Variants in CRAMP1 observed in about 807,000 individuals in gnomAD.
CRAMP1 encodes the protein cramped chromatin regulator 1, also known as protein cramped-like.
Under a neutral mutation model 115.4 loss-of-function variants are expected in CRAMP1, and 50 were observed. That is an observed-to-expected ratio of 0.43 (90% CI 0.35 to 0.55). CRAMP1 has a LOEUF of 0.55. CRAMP1 is among the 20% of genes least tolerant of loss of function. The pLI is 0.01. For synonymous variants in CRAMP1, 866 were observed against 745.4 expected (o/e 1.16, Z -2.64); for missense variants, 1,679 against 1,721.7 (o/e 0.98, Z 0.44).
At chr16:1,652,274 C>G (rs1195484720) in intron 6 of CRAMP1, among the ~76,000 whole-genome samples, 6 of 152,218 alleles carry the variant, frequency 3.9e-5, no homozygotes, top group South Asian at 2.1e-4. Flanking sequence ...CAGCAGGTGT[C>G]CCTTGGAGTG....
In CRAMP1 at chr16:1,668,865, C is replaced by T. The variant is rs928232098; in HGVS notation, c.3335-136C>T. ...CTGCGGTGCTGCGCTCCTTACCTGC[C>T]GAGCCATGCCATCCATCTGGTTCAG... On this transcript the variant is annotated intron_variant, in intron 18 of 20. Coordinates refer to ENST00000397412, the MANE Select transcript of CRAMP1 (RefSeq NM_020825.4). The T allele has an allele frequency of 6.8e-5, 54 of 799,082 alleles. 2 individuals are homozygous for T. The highest frequency in any genetic ancestry group is 6.5e-4 in the South Asian group (41 of 62,910). The allele number at this position is 799,082 out of a possible 1,614,324, so 49.5% of individuals were successfully genotyped here.
intron 2 of CRAMP1, among the ~76,000 whole-genome samples, chr16:1,615,300 G>A (rs1238393628): frequency 6.6e-6 from 1 of 152,192 alleles, no homozygotes. Flanking sequence ...TTCAAACAGC[G>A]GACAATAGTT....
Position 1,656,427 on chromosome 16 carries a change from T to A in CRAMP1, c.1670T>A (p.Leu557His). 1 of 1,588,474 alleles carries A rather than the reference T, an allele frequency of 6.3e-7. No homozygotes were observed. Among genetic ancestry groups the A allele is most frequent in the South Asian group, 1.1e-5 (1 of 87,320 alleles). Residue 557 changes from leucine (L) to histidine (H), a missense_variant, in exon 10 of 21, where the codon CTT (leucine) becomes CAT (histidine). Leu to His is a moderately conservative substitution (Grantham distance 99, BLOSUM62 -3). Coordinates refer to ENST00000397412, the MANE Select transcript of CRAMP1 (RefSeq NM_020825.4). The surrounding 1 kb of genome is among the most constrained non-coding windows in gnomAD (Gnocchi z 5.6). ...QLPDLEDELS[L>H]LDPLPRYLKS... Reference sequence around the variant, plus strand: ...CCAGACCTGGAGGACGAGCTCTCGCTTCTAGACCCCTTGCCCCGCTACCTA... The same window carrying A: ...CCAGACCTGGAGGACGAGCTCTCGCATCTAGACCCCTTGCCCCGCTACCTA...
rs376660417 is a variant in CRAMP1 at position 1,674,096 on chromosome 16, A to G, written c.*51A>G. 6.4e-7 allele frequency: 1 copy of G among 1,564,104 alleles called. No homozygotes were observed. Among genetic ancestry groups the G allele is most frequent in the African/African-American group, 1.4e-5 (1 of 73,800 alleles). ...CCCTCTTCGAGCTAGAGAAAAATAG[A>G]TAAGCCCAGCAGCCCCAGAAGATGG... is the stretch of plus-strand genomic sequence containing the variant. On this transcript the variant is annotated 3_prime_UTR_variant, in exon 21 of 21. Coordinates refer to ENST00000397412, the MANE Select transcript of CRAMP1 (RefSeq NM_020825.4).
Position 1,637,843 on chromosome 16 carries a change from G to T in CRAMP1, c.714G>T (p.Lys238Asn). 6.4e-7 allele frequency: 1 copy of T among 1,560,222 alleles called. No homozygotes were observed. Among genetic ancestry groups the T allele is most frequent in the East Asian group, 2.4e-5 (1 of 41,602 alleles). Residue 238 changes from lysine (K) to asparagine (N), a missense_variant, in exon 5 of 21, where the codon AAG becomes AAT. By Grantham distance (94) the Lys-to-Asn change is moderately conservative. This residue lies in a region of CRAMP1 where 42 missense variants were observed against 42.3 expected (regional missense o/e 0.99). Coordinates refer to ENST00000397412, the MANE Select transcript of CRAMP1 (RefSeq NM_020825.4). ...DFDHVFSRGL[K>N]KSSQELYGLI... ...TCTCAGTGTTCTCTCGAGGCCTGAA[G>T]AAGTCATCCCAGGAACTGTATGGCC... is the stretch of plus-strand genomic sequence containing the variant.
chr16:1,658,411 G>A (rs545959381), intron 10 of CRAMP1, among the ~76,000 whole-genome samples: 1 of 152,264 alleles, frequency 6.6e-6, no homozygotes, highest in African/African-American at 2.4e-5. Flanking sequence ...CCTGTGTTTG[G>A]GTGCCCCAGG....
At chr16:1,613,496 G>C (rs1170487080) in intron 1 of CRAMP1, among the ~76,000 whole-genome samples, 2 of 152,208 alleles carry the variant, frequency 1.3e-5, no homozygotes, top group Non-Finnish European at 2.9e-5. Flanking sequence ...CGCAGGGTCA[G>C]TATCTGCTGA....
At chr16:1,665,375 G>A (rs1304783084) in intron 14 of CRAMP1, among the ~76,000 whole-genome samples, 2 of 152,228 alleles carry the variant, frequency 1.3e-5, no homozygotes, top group Non-Finnish European at 2.9e-5. Context: ...GGCCTCAGAT[G>A]GCCCTGTGTG....
In CRAMP1 at chr16:1,672,645, ACTT is replaced by A. The variant is rs1309801514; in HGVS notation, c.3646-1232_3646-1230del. On this transcript the variant is annotated intron_variant, in intron 20 of 20. Coordinates refer to ENST00000397412, the MANE Select transcript of CRAMP1 (RefSeq NM_020825.4). The surrounding 1 kb of genome is among the most constrained non-coding windows in gnomAD (Gnocchi z 4.9). The stretch of plus-strand genomic sequence containing the variant: ...CATAGCTCTATTCAGAATTTTCCAG[ACTT>A]CTTGCATTCACAGTGTCATGCAGTT... 1.3e-5 allele frequency among the ~76,000 whole-genome samples: 2 copies of A among 152,182 alleles called. No individual in the cohort carries two copies. Among genetic ancestry groups the A allele is most frequent in the Non-Finnish European group, 2.9e-5 (2 of 68,034 alleles).
chr16:1,613,720 A>G (rs531672182), intron 1 of CRAMP1, among the ~76,000 whole-genome samples: 12 of 152,322 alleles, frequency 7.9e-5, no homozygotes, highest in African/African-American at 2.4e-4. Context: ...AATTGTTGCC[A>G]AGAGTTTTAA....
intron 13 of CRAMP1, 76 bp downstream of exon 13, chr16:1,662,911 A>C: frequency 2.6e-6 from 3 of 1,158,762 alleles, no homozygotes; most frequent in Non-Finnish European, 3.8e-6. Flanking sequence ...TCCCTCTCTC[A>C]CATTTTCATG....
In CRAMP1 at chr16:1,652,668, C is replaced by A. The variant is rs112005778; in HGVS notation, c.913+87C>A. 146 of 1,222,842 alleles carry A rather than the reference C, an allele frequency of 1.2e-4. 1 individual carries two copies. The African/African-American group carries it at 1.9e-3, about 16-fold the overall frequency. 75.7% of individuals were successfully genotyped at this position (1,222,842 alleles called of 1,614,324 possible). ...GGCAGGCTGAGCTACCGGGTTGCTG[C>A]CACAGTTGCTTTGTGTCTGACCCTG... On this transcript the variant is annotated intron_variant, in intron 7 of 20. Transcript: ENST00000397412.
At chr16:1,642,296 T>G (rs1362686435) in intron 6 of CRAMP1, among the ~76,000 whole-genome samples, 1 of 152,186 alleles carries the variant, frequency 6.6e-6, no homozygotes, top group Non-Finnish European at 1.5e-5. Flanking sequence ...CCTGCCCCAG[T>G]GGGAGCAGTG....
chr16:1,623,855 C>G (rs2036486061), intron 2 of CRAMP1, among the ~76,000 whole-genome samples: 1 of 152,210 alleles, frequency 6.6e-6, no homozygotes, highest in Non-Finnish European at 1.5e-5. Flanking sequence ...ATGGGCAGGG[C>G]CAGATAACAT....
intron 2 of CRAMP1, among the ~76,000 whole-genome samples, chr16:1,623,797 C>G (rs542131545): frequency 1.3e-5 from 2 of 152,318 alleles, no homozygotes; most frequent in African/African-American, 4.8e-5. Flanking sequence ...GCGGAAGCAC[C>G]AGGTTCTGGG....
intron 4 of CRAMP1, among the ~76,000 whole-genome samples, chr16:1,634,903 T>A (rs1209375832): frequency 6.6e-6 from 1 of 152,046 alleles, no homozygotes; most frequent in African/African-American, 2.4e-5. Flanking sequence ...GAGTTTTGTT[T>A]TGTTTTGTTT....
At chr16:1,661,753 G>A (rs983237086) in intron 11 of CRAMP1, among the ~76,000 whole-genome samples, 1 of 152,108 alleles carries the variant, frequency 6.6e-6, no homozygotes, top group Non-Finnish European at 1.5e-5. Flanking sequence ...GTGCCACCAT[G>A]CTCGGGTAAT....
Position 1,666,617 on chromosome 16 carries a change from G to C in CRAMP1, c.3036+17G>C, listed in dbSNP as rs373100813. The C allele has an allele frequency of 5.4e-5, 86 of 1,607,304 alleles. No homozygotes were observed. Among genetic ancestry groups the C allele is most frequent in the Admixed American group, 3.3e-5 (2 of 59,886 alleles). On this transcript the variant is annotated intron_variant, in intron 16 of 20. Transcript: ENST00000397412. The surrounding 1 kb of genome is among the most constrained non-coding windows in gnomAD (Gnocchi z 5.0). Reference sequence around the variant, plus strand: ...ACCGTGGGGGTGAGTATGTTTAGAAGGGCTTTTCAGCATTACCACCAACTT... The same window carrying C: ...ACCGTGGGGGTGAGTATGTTTAGAACGGCTTTTCAGCATTACCACCAACTT...
At chr16:1,665,242 A>G (rs528320805) in intron 14 of CRAMP1, 104 bp downstream of exon 14, 2 of 771,026 alleles carry the variant, frequency 2.6e-6, no homozygotes, top group South Asian at 1.5e-5. Flanking sequence ...ATCTTCAGGC[A>G]TTCCTTTGTC....
Sources: allele counts gnomAD v4.1 joint callset (sites outside exome capture counted in the v4.1 genomes callset), GRCh38; gene constraint gnomAD v4.1.1; regional missense constraint gnomAD v4.1.1; non-coding constraint Gnocchi (gnomAD v3.1); transcripts MANE v1.5; gene names NCBI Gene and HGNC (gene_info 2026-07-23, HGNC 2026-07-21).